Variants in FOXP2 observed in about 807,000 individuals in gnomAD.
FOXP2 encodes forkhead box protein P2.
Under a neutral mutation model 115.8 loss-of-function variants are expected in FOXP2, and 12 were observed. The observed-to-expected ratio is 0.10, with a 90% CI of 0.07 to 0.17. The LOEUF (loss-of-function observed/expected upper bound fraction) is 0.17. Among genes scored for constraint, FOXP2 ranks in the 10% least tolerant of loss-of-function variants. FOXP2 has a pLI of 1.00. For synonymous variants in FOXP2, 328 were observed against 297.7 expected (o/e 1.10, Z -1.05); for missense variants, 629 against 843.5 (o/e 0.75, Z 3.15).
chr7:114,614,311 T>C (rs769484921), intron 3 of FOXP2, among the ~76,000 whole-genome samples: 2 of 151,122 alleles, frequency 1.3e-5, no homozygotes, highest in East Asian at 1.9e-4. Flanking sequence ...GGTTGAATAA[T>C]GTTCATATGT....
At chr7:114,231,664 T>TC in intron 1 of FOXP2, among the ~76,000 whole-genome samples, 1 of 152,128 alleles carries the variant, frequency 6.6e-6, no homozygotes, top group East Asian at 1.9e-4. Flanking sequence ...AAATTGGATA[T>TC]CCACATGCCG....
At chr7:114,475,719 C>T (rs1796227384) in intron 2 of FOXP2, among the ~76,000 whole-genome samples, 1 of 152,050 alleles carries the variant, frequency 6.6e-6, no homozygotes, top group South Asian at 2.1e-4. Context: ...AATTAATAAT[C>T]AAAAACATCT....
chr7:114,525,875 G>A lies in FOXP2; in HGVS notation c.169-8742G>A, dbSNP rs1292365713. Among the ~76,000 whole-genome samples, 4 of 152,080 alleles carry A rather than the reference G, an allele frequency of 2.6e-5. No individual in the cohort carries two copies. In the East Asian group the frequency reaches 7.7e-4, roughly 29 times the overall value. ...GCCTGTAATCCCAGCACTTTGGGAG[G>A]CTGAGATGGGCAGATCACTTGAGGT... On this transcript the variant is annotated intron_variant, in intron 2 of 16. Transcript: ENST00000350908.
At chr7:114,327,674 G>C (rs896260135) in intron 2 of FOXP2, among the ~76,000 whole-genome samples, 25 of 151,482 alleles carry the variant, frequency 1.7e-4, no homozygotes, top group African/African-American at 6.1e-4. Context: ...GCTAATTTTT[G>C]TATTTTTAGT....
chr7:114,346,011 C>T (rs1584653828), intron 2 of FOXP2, among the ~76,000 whole-genome samples: 2 of 151,742 alleles, frequency 1.3e-5, no homozygotes, highest in African/African-American at 4.8e-5. Flanking sequence ...CAGCAATTTA[C>T]ATTTTATTCA....
At chr7:114,450,581 GAA>G (rs779200182) in intron 2 of FOXP2, among the ~76,000 whole-genome samples, 2 of 151,998 alleles carry the variant, frequency 1.3e-5, no homozygotes, top group African/African-American at 2.4e-5. Flanking sequence ...TGCACATTCA[GAA>G]AAGTTTCGGT....
chr7:114,148,490 T>G (rs1584507624), intron 1 of FOXP2, among the ~76,000 whole-genome samples: 1 of 152,186 alleles, frequency 6.6e-6, no homozygotes, highest in African/African-American at 2.4e-5. Context: ...CCCACTCACA[T>G]ATTTAGATGC....
At chr7:114,452,367 T>C (rs933728501) in intron 2 of FOXP2, among the ~76,000 whole-genome samples, 3 of 152,040 alleles carry the variant, frequency 2.0e-5, no homozygotes, top group Non-Finnish European at 2.9e-5. Context: ...TAAAGTTGAA[T>C]AGAAGGACTT....
At chr7:114,170,443 A>G (rs1793108276) in intron 1 of FOXP2, among the ~76,000 whole-genome samples, 1 of 152,186 alleles carries the variant, frequency 6.6e-6, no homozygotes, top group Admixed American at 6.5e-5. Context: ...TTAAATCAAA[A>G]GTTAGAAATG....
intron 2 of FOXP2, among the ~76,000 whole-genome samples, chr7:114,343,926 C>T (rs899582504): frequency 1.3e-5 from 2 of 151,630 alleles, no homozygotes; most frequent in Admixed American, 6.6e-5. Flanking sequence ...GTCTTCCTCA[C>T]CCCCACCTCC....
chr7:114,416,668 A>G (rs576540100), intron 1 of FOXP2, among the ~76,000 whole-genome samples: 1 of 152,054 alleles, frequency 6.6e-6, no homozygotes, highest in Non-Finnish European at 1.5e-5. Flanking sequence ...GATTATCTAT[A>G]GTTGATTCAT....
At chr7:114,412,109 C>G (rs1793178210), upstream of FOXP2, among the ~76,000 whole-genome samples, 3 of 151,956 alleles carry the variant, frequency 2.0e-5, no homozygotes, top group Non-Finnish European at 2.9e-5. Context: ...TAAAGATTTG[C>G]TATTGGAAGA....
At position 114,658,168 on chromosome 7, in the gene FOXP2, A is replaced by G; in HGVS notation, c.1369A>G (p.Ile457Val). 14 of 1,613,806 alleles carry G rather than the reference A, an allele frequency of 8.7e-6. No homozygotes were observed. The highest frequency in any genetic ancestry group is 1.2e-5 in the Non-Finnish European group (14 of 1,179,874). ...CACACCAACGGCCCCAGTCACCCCG[A>G]TTACCCAGGGACCCTCAGTAATCAC... Reference protein sequence around the residue: ...PTTPTAPVTPITQGPSVITPA... With the variant: ...PTTPTAPVTPVTQGPSVITPA... Residue 457 changes from isoleucine to valine, a missense_variant, in exon 11 of 17, where the codon ATT becomes GTT. Coordinates refer to ENST00000350908, the MANE Select transcript of FOXP2 (RefSeq NM_014491.4).
chr7:114,663,327 A>G (rs914502178), intron 14 of FOXP2, 123 bp from the exon 15 acceptor site: 7 of 691,134 alleles, frequency 1.0e-5, no homozygotes, highest in African/African-American at 9.1e-5. Context: ...TTGTGGCCTT[A>G]TATACATCCA....
chr7:114,445,428 A>G (rs1794790912), intron 2 of FOXP2, among the ~76,000 whole-genome samples: 1 of 152,170 alleles, frequency 6.6e-6, no homozygotes, highest in Non-Finnish European at 1.5e-5. Flanking sequence ...ATCAACTCCA[A>G]CTTTACAATT....
At chr7:114,348,658 C>T (rs1791405494) in intron 2 of FOXP2, among the ~76,000 whole-genome samples, 1 of 152,000 alleles carries the variant, frequency 6.6e-6, no homozygotes, top group East Asian at 1.9e-4. Flanking sequence ...TAGTTCTGGC[C>T]CAGCTTTCTT....
At chr7:114,283,464 C>T (rs1796387824) in intron 1 of FOXP2, among the ~76,000 whole-genome samples, 1 of 151,890 alleles carries the variant, frequency 6.6e-6, no homozygotes, top group South Asian at 2.1e-4. Flanking sequence ...TTGTTTTATC[C>T]TTAAGCTTTA....
At chr7:114,551,240 C>T (rs1363893147) in intron 3 of FOXP2, among the ~76,000 whole-genome samples, 1 of 152,110 alleles carries the variant, frequency 6.6e-6, no homozygotes. Context: ...TGACTAAATG[C>T]CCTCGGTATG....
intron 1 of FOXP2, among the ~76,000 whole-genome samples, chr7:114,131,237 T>C (rs988748435): frequency 4.6e-5 from 7 of 152,338 alleles, no homozygotes; most frequent in Admixed American, 6.5e-5. Context: ...GAAGCTCTTA[T>C]ACTCTAATTA....
Sources: gnomAD v4.1 joint callset for allele counts (sites outside exome capture counted in the v4.1 genomes callset) on GRCh38, gnomAD v4.1.1 for gene constraint, MANE v1.5 for transcripts, NCBI Gene and HGNC (gene_info 2026-07-23, HGNC 2026-07-21) for gene names.